The following NLGN1 variants were observed in gnomAD, a reference collection of about 807,000 sequenced individuals.
NLGN1 encodes the protein neuroligin 1.
A neutral mutation model predicts 65.5 loss-of-function variants in NLGN1; 12 were observed. That is an observed-to-expected ratio of 0.18 (90% CI 0.12 to 0.30). NLGN1 has a LOEUF of 0.30. Ranked by LOEUF, NLGN1 falls within the 10% of genes least tolerant of loss-of-function variation. The pLI is 1.00. For synonymous variants in NLGN1, 350 were observed against 359.5 expected, an observed-to-expected ratio of 0.97 and a Z score of 0.30; for missense variants, 750 against 1,007.1, an observed-to-expected ratio of 0.74 and a Z score of 3.46.
At chr3:173,687,179 G>A (rs938018660) in intron 3 of NLGN1, among the ~76,000 whole-genome samples, 8 of 152,170 alleles carry the variant, frequency 5.3e-5, no homozygotes, top group South Asian at 2.1e-4. Context: ...TATGTTTGTA[G>A]AACCGAGTTG....
chr3:174,034,320 A>T (rs1275989523), intron 4 of NLGN1, among the ~76,000 whole-genome samples: 1 of 95,676 alleles, frequency 1.0e-5, no homozygotes, highest in Admixed American at 8.9e-5. Flanking sequence ...AAGAAATGTT[A>T]AAAAAAAATT....
At chr3:173,549,863 A>C (rs959576877) in intron 2 of NLGN1, among the ~76,000 whole-genome samples, 3 of 152,100 alleles carry the variant, frequency 2.0e-5, no homozygotes, top group Non-Finnish European at 2.9e-5. Context: ...TATGGAAGTC[A>C]GTCACTAAGT....
intron 4 of NLGN1, among the ~76,000 whole-genome samples, chr3:174,036,680 G>T (rs1177280694): frequency 2.0e-5 from 3 of 147,110 alleles, no homozygotes; most frequent in Admixed American, 1.4e-4. Context: ...GGAGTTCATT[G>T]TACAGGTTAT....
intron 4 of NLGN1, among the ~76,000 whole-genome samples, chr3:174,130,663 G>A (rs1208744527): frequency 6.6e-6 from 1 of 152,096 alleles, no homozygotes; most frequent in Non-Finnish European, 1.5e-5. Context: ...GAGAGAAAAT[G>A]GCAAAGGTGT....
At chr3:174,194,035 T>A (rs754421893) in intron 4 of NLGN1, among the ~76,000 whole-genome samples, 4 of 152,198 alleles carry the variant, frequency 2.6e-5, no homozygotes, top group Non-Finnish European at 5.9e-5. Context: ...GTGTTTTCAT[T>A]CACTAGATGA....
intron 4 of NLGN1, among the ~76,000 whole-genome samples, chr3:173,867,876 TTTG>T (rs901695208): frequency 6.6e-6 from 1 of 152,084 alleles, no homozygotes; most frequent in Admixed American, 6.6e-5. Context: ...GCCATTGCTT[TTTG>T]TTGTTGTTTG....
At chr3:174,217,603 G>A (rs1006982675) in intron 4 of NLGN1, among the ~76,000 whole-genome samples, 2 of 151,944 alleles carry the variant, frequency 1.3e-5, no homozygotes, top group African/African-American at 2.4e-5. Flanking sequence ...TCCCCTTCAC[G>A]AAGGCCCACT....
At chr3:173,799,925 A>G (rs1252070805) in intron 3 of NLGN1, among the ~76,000 whole-genome samples, 1 of 151,810 alleles carries the variant, frequency 6.6e-6, no homozygotes, top group Non-Finnish European at 1.5e-5. Flanking sequence ...GTTGCCACCA[A>G]TTTAAATTAG....
At chr3:174,216,786 G>A (rs1204147008) in intron 4 of NLGN1, among the ~76,000 whole-genome samples, 1 of 152,030 alleles carries the variant, frequency 6.6e-6, no homozygotes, top group Non-Finnish European at 1.5e-5. Context: ...TGAAATTGAT[G>A]ACTGCCCCAG....
At chr3:173,738,844 A>G (rs772250845) in intron 3 of NLGN1, among the ~76,000 whole-genome samples, 4 of 152,098 alleles carry the variant, frequency 2.6e-5, no homozygotes, top group Non-Finnish European at 5.9e-5. Context: ...TGCCATCTTA[A>G]CATTCAACTG....
At chr3:174,284,033 C>A (rs1235650814) in exon 7 of NLGN1, 1 of 151,338 alleles carries the variant, frequency 6.6e-6, no homozygotes, top group African/African-American at 2.4e-5. Context: ...ACCTACCAAT[C>A]TATTGCTCTG....
chr3:173,923,991 TA>T (rs1343949724), intron 4 of NLGN1, among the ~76,000 whole-genome samples: 1 of 152,124 alleles, frequency 6.6e-6, no homozygotes, highest in Non-Finnish European at 1.5e-5. Context: ...CTGACATCTA[TA>T]AAAATAAAAC....
At chr3:173,759,083 C>T (rs1265502270) in intron 3 of NLGN1, among the ~76,000 whole-genome samples, 1 of 151,720 alleles carries the variant, frequency 6.6e-6, no homozygotes, top group South Asian at 2.1e-4. Context: ...CCTTTCTCAC[C>T]ACCTTCTTTC....
At chr3:173,647,701 C>T (rs543553091) in intron 3 of NLGN1, among the ~76,000 whole-genome samples, 40 of 151,998 alleles carry the variant, frequency 2.6e-4, no homozygotes, top group Admixed American at 4.6e-4. Context: ...ATATACTAAA[C>T]GCCTATATTA....
chr3:173,791,812 G>C (rs367655033), intron 3 of NLGN1, among the ~76,000 whole-genome samples: 4 of 152,030 alleles, frequency 2.6e-5, no homozygotes, highest in African/African-American at 9.7e-5. Flanking sequence ...TTCTGCTTCT[G>C]ACTAGCTGTG....
chr3:173,423,941 C>T (rs539891499), intron 1 of NLGN1, among the ~76,000 whole-genome samples: 10 of 152,186 alleles, frequency 6.6e-5, no homozygotes, highest in South Asian at 2.1e-4. Context: ...CTGCAGCAGA[C>T]TTCTCCCTGG....
intron 4 of NLGN1, among the ~76,000 whole-genome samples, chr3:173,894,625 T>C (rs1736001434): frequency 7.2e-6 from 1 of 138,618 alleles, no homozygotes; most frequent in Non-Finnish European, 1.5e-5. Flanking sequence ...TTTCTTTTTT[T>C]TCTTTTTCTT....
At chr3:173,748,063 G>A (rs1461616683) in intron 3 of NLGN1, among the ~76,000 whole-genome samples, 1 of 151,766 alleles carries the variant, frequency 6.6e-6, no homozygotes, top group African/African-American at 2.4e-5. Flanking sequence ...ACCTCCCAAA[G>A]TGCTGGGACT....
At chr3:173,893,713 A>AT (rs913166009) in intron 4 of NLGN1, among the ~76,000 whole-genome samples, 1 of 151,802 alleles carries the variant, frequency 6.6e-6, no homozygotes. Context: ...ACCTGTTTTT[A>AT]TTTTTTTTAA....
Sources: gnomAD v4.1 joint callset for allele counts (sites outside exome capture counted in the v4.1 genomes callset) on GRCh38, gnomAD v4.1.1 for gene constraint, MANE v1.5 for transcripts, NCBI Gene and HGNC (gene_info 2026-07-23, HGNC 2026-07-21) for gene names.